The following NELL2 variants were observed in gnomAD, a reference collection of about 807,000 sequenced individuals.
NELL2 encodes the protein protein kinase C-binding protein NELL2.
In NELL2, 41 loss-of-function variants were observed where a neutral mutation model predicts 109.6. The observed-to-expected ratio is 0.37, with a 90% CI of 0.29 to 0.49. The LOEUF (loss-of-function observed/expected upper bound fraction) is 0.49. Among genes scored for constraint, NELL2 ranks in the 20% least tolerant of loss-of-function variants. The probability of loss-of-function intolerance (pLI) is 0.98; values close to 1 mark genes in which losing one functional copy is unlikely to be tolerated. For synonymous variants in NELL2, 355 were observed against 344.7 expected (o/e 1.03, Z -0.33); for missense variants, 900 against 1,008.3 (o/e 0.89, Z 1.45).
At chr12:44,774,615 G>C (rs1566363152) in intron 9 of NELL2, 132 bp downstream of exon 9, 3 of 725,134 alleles carry the variant, frequency 4.1e-6, no homozygotes, top group Non-Finnish European at 7.0e-6. Context: ...AACAGAGAAA[G>C]TATTCTTCCT....
At position 44,532,739 on chromosome 12, in the gene NELL2, A is replaced by AT. The variant is rs751879220; in HGVS notation, c.1664-19dup. On this transcript the variant is annotated intron_variant, in intron 15 of 19. Coordinates refer to ENST00000429094, the MANE Select transcript of NELL2 (RefSeq NM_001145108.2). ...ATCAATGTCTGGCAAAAAAAGAGGG[A>AT]TTTTATAAAATTATTTATCTTCTTT... 1.9e-6 allele frequency: 3 copies of AT among 1,594,992 alleles called. No homozygotes were observed. The East Asian group carries it at 6.7e-5, about 36-fold the overall frequency.
intron 16 of NELL2, among the ~76,000 whole-genome samples, chr12:44,528,679 A>G (rs896938496): frequency 6.6e-6 from 1 of 152,244 alleles, no homozygotes; most frequent in Non-Finnish European, 1.5e-5. Flanking sequence ...TACATTCTAA[A>G]GCAGATAATA....
intron 9 of NELL2, among the ~76,000 whole-genome samples, chr12:44,744,702 G>A (rs1177029664): frequency 6.6e-6 from 1 of 152,212 alleles, no homozygotes; most frequent in Non-Finnish European, 1.5e-5. Flanking sequence ...AGAAAATCTA[G>A]AAGAAATGGA....
chr12:44,522,739 C>G lies in NELL2; in HGVS notation c.1998+552G>C, dbSNP rs554158289. The G allele has an allele frequency of 2.0e-5, 3 of 153,586 alleles. No individual in the cohort carries two copies. In the East Asian group the frequency reaches 5.8e-4, roughly 29 times the overall value. The allele number at this position is 153,586 out of a possible 1,614,324, so 9.5% of individuals were successfully genotyped here. On this transcript the variant is annotated intron_variant, in intron 17 of 19. Coordinates refer to ENST00000429094, the MANE Select transcript of NELL2 (RefSeq NM_001145108.2). ...CATATAACAGAATACCTATCTAAAA[C>G]TGAAATATACACCAAATAAATATTT...
chr12:44,825,858 C>A (rs1198113782), intron 2 of NELL2, among the ~76,000 whole-genome samples: 1 of 151,536 alleles, frequency 6.6e-6, no homozygotes, highest in Non-Finnish European at 1.5e-5. Context: ...CCAGCCTCAA[C>A]ATGGAGAAAC....
At chr12:44,747,889 T>C (rs1340600794) in intron 9 of NELL2, among the ~76,000 whole-genome samples, 5 of 152,164 alleles carry the variant, frequency 3.3e-5, no homozygotes, top group African/African-American at 4.8e-5. Flanking sequence ...ACCTGCATGC[T>C]AACTGGTAGA....
intron 3 of NELL2, among the ~76,000 whole-genome samples, chr12:44,801,338 T>C (rs915752796): frequency 1.3e-5 from 2 of 152,178 alleles, no homozygotes; most frequent in Non-Finnish European, 2.9e-5. Flanking sequence ...CAGTTTTTAC[T>C]GTTAGTATAA....
chr12:44,580,047 A>G (rs1393947875), intron 15 of NELL2, among the ~76,000 whole-genome samples: 3 of 152,188 alleles, frequency 2.0e-5, no homozygotes, highest in Non-Finnish European at 4.4e-5. Context: ...TACGTGTTTC[A>G]GAATTTTTCT....
At chr12:44,756,313 C>G (rs1004626562) in intron 9 of NELL2, among the ~76,000 whole-genome samples, 1 of 152,030 alleles carries the variant, frequency 6.6e-6, no homozygotes, top group Non-Finnish European at 1.5e-5. Flanking sequence ...CTCTCCTTAT[C>G]TCTCATTTTC....
chr12:44,665,625 G>A lies in NELL2; in HGVS notation c.1319-16C>T, dbSNP rs375872838. ...TCATCGATGTCTGTGAAGAAAAACA[G>A]GACAAAGAGGTCAACAGTGGGCAAT... On this transcript the variant is annotated splice_polypyrimidine_tract_variant and intron_variant, in intron 12 of 19. Coordinates refer to ENST00000429094, the MANE Select transcript of NELL2 (RefSeq NM_001145108.2). 20 of 1,609,190 alleles carry A rather than the reference G, an allele frequency of 1.2e-5. No individual in the cohort carries two copies. The African/African-American group carries it at 2.4e-4, about 19-fold the overall frequency.
upstream of NELL2, among the ~76,000 whole-genome samples, chr12:44,918,513 ATGTATGTGTGTG>A (rs1216857964): frequency 9.7e-3 from 1,173 of 121,416 alleles, 17 homozygotes; most frequent in African/African-American, 0.033. Context: ...TCATGCATGC[ATGTATGTGTGTG>A]TGTGTGTGTG....
chr12:44,523,010 ATATAGTATATACTATAAAACTCCATT>A, intron 17 of NELL2: 1 of 422,272 alleles, frequency 2.4e-6, no homozygotes. Context: ...GTCAGACACA[ATATAGTATATACTATAAAACTCCATT>A]TATATGAGGC....
intron 12 of NELL2, among the ~76,000 whole-genome samples, chr12:44,681,316 A>G (rs181298202): frequency 6.6e-6 from 1 of 150,452 alleles, no homozygotes; most frequent in East Asian, 1.9e-4. Flanking sequence ...ATACGTTTTA[A>G]TCATGAGCAG....
At chr12:44,682,140 G>C (rs1948532644) in intron 12 of NELL2, among the ~76,000 whole-genome samples, 1 of 149,940 alleles carries the variant, frequency 6.7e-6, no homozygotes, top group Non-Finnish European at 1.5e-5. Context: ...TCTCATTGTG[G>C]TTTTGATTTG....
chr12:44,543,494 A>T (rs1220452479), intron 15 of NELL2, among the ~76,000 whole-genome samples: 1 of 152,116 alleles, frequency 6.6e-6, no homozygotes, highest in African/African-American at 2.4e-5. Context: ...TTATGCTCAG[A>T]TCCTATTTCC....
intron 2 of NELL2, among the ~76,000 whole-genome samples, chr12:44,846,578 G>C (rs1944377128): frequency 6.6e-6 from 1 of 152,104 alleles, no homozygotes; most frequent in African/African-American, 2.4e-5. Flanking sequence ...TCAGGTTCTA[G>C]GTGAAAAACT....
intron 9 of NELL2, among the ~76,000 whole-genome samples, chr12:44,738,075 AG>A (rs1939745669): frequency 6.6e-6 from 1 of 152,186 alleles, no homozygotes; most frequent in African/African-American, 2.4e-5. Context: ...CCCAAAATAA[AG>A]GAAGTTTTCT....
chr12:44,845,334 A>G (rs1012365422), intron 2 of NELL2, among the ~76,000 whole-genome samples: 2 of 152,214 alleles, frequency 1.3e-5, no homozygotes, highest in Non-Finnish European at 2.9e-5. Context: ...AAGCACATGG[A>G]AGGGGACAGG....
chr12:44,517,642 G>C (rs1049944076), intron 19 of NELL2, among the ~76,000 whole-genome samples: 1 of 151,974 alleles, frequency 6.6e-6, no homozygotes, highest in African/African-American at 2.4e-5. Context: ...AATGTGGCTA[G>C]TGTAACTAAT....
Sources: gnomAD v4.1 joint callset for allele counts (sites outside exome capture counted in the v4.1 genomes callset) on GRCh38, gnomAD v4.1.1 for gene constraint, MANE v1.5 for transcripts, NCBI Gene and HGNC (gene_info 2026-07-23, HGNC 2026-07-21) for gene names.